The following ACSM3 variants were observed in gnomAD, a reference collection of about 807,000 sequenced individuals.
ACSM3 encodes the protein acyl-CoA synthetase medium chain family member 3.
In ACSM3, 61 loss-of-function variants were observed where a neutral mutation model predicts 74.1. The ratio of observed to expected loss-of-function variants is 0.82; its 90% confidence interval spans 0.67 to 1.02. ACSM3 has a LOEUF of 1.02. Among genes scored for constraint, ACSM3 ranks in the 50% least tolerant of loss-of-function variants. The pLI is 0.00. For missense variants in ACSM3, 660 were observed against 697.0 expected (o/e 0.95, Z 0.60); for synonymous variants, 213 against 241.5 (o/e 0.88, Z 1.09).
chr16:20,796,706 C>CT, intron 13 of ACSM3, 180 bp from the exon 14 acceptor site: 1 of 1,482,842 alleles, frequency 6.7e-7, no homozygotes, highest in South Asian at 1.4e-5. Context: ...ACAGTAAATA[C>CT]TTAATATCAA....
chr16:20,780,655 G>A (rs1195213636), intron 4 of ACSM3, 59 bp from the exon 5 acceptor site: 2 of 1,614,088 alleles, frequency 1.2e-6, no homozygotes, highest in Non-Finnish European at 1.7e-6. Flanking sequence ...AAATTTTTCA[G>A]TGGTAACAGT....
At chr16:20,675,623 G>C (rs1342530756) in intron 1 of ACSM3, among the ~76,000 whole-genome samples, 2 of 152,172 alleles carry the variant, frequency 1.3e-5, no homozygotes, top group Non-Finnish European at 2.9e-5. Context: ...GGATGAAACT[G>C]GATGTTCAAA....
intron 1 of ACSM3, chr16:20,721,817 C>T (rs1157691058): frequency 2.0e-5 from 3 of 152,130 alleles, no homozygotes; most frequent in Non-Finnish European, 4.4e-5. Context: ...GTATCGTCAG[C>T]TGATTAGTAG....
intron 1 of ACSM3, among the ~76,000 whole-genome samples, chr16:20,688,988 ATATAT>A (rs929377426): frequency 2.7e-5 from 4 of 148,366 alleles, no homozygotes; most frequent in African/African-American, 4.9e-5. Context: ...TAATATGTTA[ATATAT>A]TATATTATAT....
At chr16:20,762,398 G>A (rs2080084976), upstream of ACSM3, among the ~76,000 whole-genome samples, 1 of 151,290 alleles carries the variant, frequency 6.6e-6, no homozygotes, top group Non-Finnish European at 1.5e-5. Context: ...AAAGAAACTA[G>A]AATGGGAAAA....
chr16:20,708,642 C>G (rs774078433), intron 1 of ACSM3, among the ~76,000 whole-genome samples: 25 of 152,124 alleles, frequency 1.6e-4, no homozygotes, highest in Non-Finnish European at 3.4e-4. Flanking sequence ...GAAAGATATC[C>G]TGTGTTCATG....
chr16:20,787,520 C>T (rs2080500130), intron 9 of ACSM3, among the ~76,000 whole-genome samples: 1 of 152,184 alleles, frequency 6.6e-6, no homozygotes, highest in African/African-American at 2.4e-5. Context: ...CTGGAGAGAC[C>T]AATTCAATAG....
intron 1 of ACSM3, chr16:20,737,343 T>C (rs2079879949): frequency 1.1e-5 from 17 of 1,507,964 alleles, no homozygotes; most frequent in Non-Finnish European, 1.5e-5. Flanking sequence ...ATCTGATAGA[T>C]ACAAAAAATC....
At chr16:20,781,650 A>G (rs1204494216) in intron 6 of ACSM3, 58 bp from the exon 7 acceptor site, 2 of 1,287,270 alleles carry the variant, frequency 1.6e-6, no homozygotes, top group East Asian at 4.6e-5. Context: ...AACCAAAGAC[A>G]TTTAAGCACT....
intron 1 of ACSM3, chr16:20,690,941 A>T (rs879591229): frequency 6.5e-7 from 1 of 1,547,446 alleles, no homozygotes; most frequent in African/African-American, 1.4e-5. Flanking sequence ...TAGGAGCAAG[A>T]TAAGGAAAGT....
chr16:20,717,962 A>AAGAGGAAGAG (rs1567323211), intron 1 of ACSM3, among the ~76,000 whole-genome samples: 43 of 39,086 alleles, frequency 1.1e-3, no homozygotes, highest in Non-Finnish European at 2.0e-3. Flanking sequence ...AAGAGGAAGA[A>AAGAGGAAGAG]GAAGAAGAAG....
intron 4 of ACSM3, 145 bp downstream of exon 4, chr16:20,777,725 CTA>C: frequency 4.1e-6 from 3 of 730,424 alleles, no homozygotes; most frequent in Non-Finnish European, 6.6e-6. Context: ...ACTAATAGTG[CTA>C]AACTCTGAAG....
At chr16:20,736,060 C>A (rs2079866284) in intron 1 of ACSM3, 2 of 152,294 alleles carry the variant, frequency 1.3e-5, no homozygotes, top group South Asian at 4.1e-4. Context: ...AATATCCTTT[C>A]TTGTCAAGTG....
intron 1 of ACSM3, among the ~76,000 whole-genome samples, chr16:20,717,277 A>G (rs2067595279): frequency 6.6e-6 from 1 of 152,236 alleles, no homozygotes; most frequent in South Asian, 2.1e-4. Context: ...CATTGTCCAT[A>G]CTGCATCATG....
At chr16:20,741,618 G>A in intron 1 of ACSM3, 3 of 1,574,054 alleles carry the variant, frequency 1.9e-6, no homozygotes, top group Non-Finnish European at 1.7e-6. Context: ...CTGTAGCCCG[G>A]GCTCTAGCTG....
At chr16:20,791,741 A>G (rs1424957533) in intron 10 of ACSM3, among the ~76,000 whole-genome samples, 1 of 152,190 alleles carries the variant, frequency 6.6e-6, no homozygotes, top group Non-Finnish European at 1.5e-5. Context: ...AGCCTGGCCA[A>G]CATGGGGAAA....
In ACSM3 at chr16:20,739,323, A is replaced by C. The variant is rs984259397; in HGVS notation, c.-189-10587A>C. ...CCCAAGTAGCTGTGATTACAGGCGC[A>C]TGCCACTACACACAGCTAATTTTTG... is the stretch of plus-strand genomic sequence containing the variant. On this transcript the variant is annotated intron_variant, in intron 1 of 3. Coordinates refer to the ACSM3 transcript ENST00000561584. Among the ~76,000 whole-genome samples, 7 of 151,728 alleles carry C rather than the reference A, an allele frequency of 4.6e-5. No homozygotes were observed. The South Asian group carries it at 1.5e-3, about 32-fold the overall frequency.
At chr16:20,745,031 A>C (rs1487992069) in intron 1 of ACSM3, among the ~76,000 whole-genome samples, 1 of 151,848 alleles carries the variant, frequency 6.6e-6, no homozygotes, top group Non-Finnish European at 1.5e-5. Flanking sequence ...TAAATCACAC[A>C]CTCATCCTGT....
At chr16:20,744,951 G>A (rs1450505558) in intron 1 of ACSM3, among the ~76,000 whole-genome samples, 2 of 152,158 alleles carry the variant, frequency 1.3e-5, no homozygotes, top group African/African-American at 4.8e-5. Context: ...GTTGCTGACT[G>A]TGCAGAGAAT....
Sources: allele counts gnomAD v4.1 joint callset (sites outside exome capture counted in the v4.1 genomes callset), GRCh38; gene constraint gnomAD v4.1.1; transcripts MANE v1.5; gene names NCBI Gene and HGNC (gene_info 2026-07-23, HGNC 2026-07-21).